Variants in MITF observed in about 807,000 individuals in gnomAD.
MITF encodes the protein melanocyte inducing transcription factor.
A neutral mutation model predicts 60.5 loss-of-function variants in MITF; 17 were observed. The observed-to-expected ratio is 0.28, with a 90% confidence interval of 0.19 to 0.42. The LOEUF (loss-of-function observed/expected upper bound fraction) is 0.42, where lower values mean the gene tolerates loss of function less well. Ranked by LOEUF, MITF falls within the 10% of genes least tolerant of loss-of-function variation. The pLI, the probability that MITF is intolerant of heterozygous loss-of-function variation, is 1.00. For synonymous variants in MITF, 260 were observed against 248.5 expected (o/e 1.05, Z -0.43); for missense variants, 622 against 683.5 (o/e 0.91, Z 1.00).
At chr3:69,918,232 A>T (rs1482951442) in intron 2 of MITF, among the ~76,000 whole-genome samples, 2 of 151,646 alleles carry the variant, frequency 1.3e-5, no homozygotes, top group Admixed American at 6.6e-5. Flanking sequence ...GCCTCGCTAA[A>T]TTTTTTGTTT....
chr3:69,932,207 C>T lies in MITF; in HGVS notation c.355-5615C>T, dbSNP rs968542337. On this transcript the variant is annotated intron_variant, in intron 2 of 9. Transcript: ENST00000352241. ...AAGCCACAATGTAGATAATTTTAGGCCTTGGGGGCCCTGCAGACTCTGTTG... is the reference window on the plus strand; with the variant it reads ...AAGCCACAATGTAGATAATTTTAGGTCTTGGGGGCCCTGCAGACTCTGTTG... 2.0e-5 allele frequency among the ~76,000 whole-genome samples: 3 copies of T among 152,176 alleles called. No homozygotes were observed. In the East Asian group the frequency reaches 5.8e-4, roughly 29 times the overall value.
intron 1 of MITF, among the ~76,000 whole-genome samples, chr3:69,789,561 G>A (rs1337768067): frequency 2.0e-5 from 3 of 152,112 alleles, no homozygotes; most frequent in Non-Finnish European, 2.9e-5. Flanking sequence ...CAGCTGCTAC[G>A]GAAAGGAGCA....
rs1320277478 is a variant in MITF at position 69,937,308 on chromosome 3, C to G, written c.355-514C>G. On this transcript the variant is annotated intron_variant, in intron 2 of 9. Transcript: ENST00000352241. ...TTAATCCACAACTAGTTGATTTAAT[C>G]ATTGGAAGATTTATATTTATTTTCT... The G allele has an allele frequency of 1.8e-5, 3 of 166,402 alleles. No individual in the cohort carries two copies. The East Asian group carries it at 5.2e-4, about 29-fold the overall frequency. 10.3% of individuals were successfully genotyped at this position (166,402 alleles called of 1,614,324 possible).
intron 1 of MITF, among the ~76,000 whole-genome samples, chr3:69,805,687 C>T (rs1048939792): frequency 6.6e-6 from 1 of 151,880 alleles, no homozygotes; most frequent in Non-Finnish European, 1.5e-5. Context: ...ATGACGAGGT[C>T]GTTCTCTGTC....
At chr3:69,883,615 C>T (rs1337617658) in intron 2 of MITF, among the ~76,000 whole-genome samples, 2 of 152,112 alleles carry the variant, frequency 1.3e-5, no homozygotes, top group Non-Finnish European at 2.9e-5. Context: ...GGACTTCTCC[C>T]ACAACCTACC....
intron 6 of MITF, 104 bp downstream of exon 6, chr3:69,949,272 C>A: frequency 1.2e-6 from 1 of 867,122 alleles, no homozygotes; most frequent in Non-Finnish European, 2.0e-6. Context: ...AACTCATGGA[C>A]GTAACTTTTA....
chr3:69,860,275 G>A (rs2063988916), intron 1 of MITF, among the ~76,000 whole-genome samples: 1 of 152,174 alleles, frequency 6.6e-6, no homozygotes, highest in Non-Finnish European at 1.5e-5. Context: ...AAAGAGTCAT[G>A]CTAATGTTTT....
chr3:69,791,870 G>A (rs1168391049), intron 1 of MITF, among the ~76,000 whole-genome samples: 1 of 152,180 alleles, frequency 6.6e-6, no homozygotes, highest in Admixed American at 6.5e-5. Context: ...GTAGAACTTG[G>A]AAAATGCAGT....
intron 1 of MITF, among the ~76,000 whole-genome samples, chr3:69,815,192 C>T (rs2107017359): frequency 6.6e-6 from 1 of 152,316 alleles, no homozygotes; most frequent in African/African-American, 2.4e-5. Flanking sequence ...AGGTTATCTC[C>T]TAGGAGTTAA....
intron 2 of MITF, among the ~76,000 whole-genome samples, chr3:69,895,883 C>G (rs1250186613): frequency 6.8e-6 from 1 of 147,784 alleles, no homozygotes; most frequent in African/African-American, 2.5e-5. Context: ...CTCTTAAAGC[C>G]TTTCCATTTT....
chr3:69,937,432 C>T (rs572911175), intron 2 of MITF, among the ~76,000 whole-genome samples: 3 of 149,938 alleles, frequency 2.0e-5, no homozygotes, highest in Non-Finnish European at 4.4e-5. Context: ...TTCTGTTCGC[C>T]AAGGAAAGTG....
chr3:69,959,160 T>C, intron 8 of MITF, 113 bp from the exon 9 acceptor site: 1 of 1,305,092 alleles, frequency 7.7e-7, no homozygotes. Flanking sequence ...CCAAAACTAT[T>C]GAAATAAAAA....
rs536395486 is a variant in MITF, at chr3:69,771,437, C to G, written c.104+31736C>G. On this transcript the variant is annotated intron_variant, in intron 1 of 9. Coordinates refer to ENST00000352241, the MANE Select transcript of MITF (RefSeq NM_001354604.2). ...TGACACTTGTTTATTAAACTTGGCC[C>G]AAGTCAGAGTTAATAGCCTTAATGG... is the stretch of plus-strand genomic sequence containing the variant. Among the ~76,000 whole-genome samples, 360 of 152,174 alleles carry G rather than the reference C, an allele frequency of 2.4e-3. 2 individuals are homozygous for G. Among genetic ancestry groups the G allele is most frequent in the Middle Eastern group, 6.8e-3 (2 of 294 alleles).
chr3:69,773,862 A>T (rs540730017), intron 1 of MITF, among the ~76,000 whole-genome samples: 13 of 152,324 alleles, frequency 8.5e-5, no homozygotes, highest in Admixed American at 5.9e-4. Flanking sequence ...TGTTATAGAA[A>T]ATAGAATTGA....
At chr3:69,754,418 G>A (rs1184861097) in intron 1 of MITF, among the ~76,000 whole-genome samples, 2 of 151,992 alleles carry the variant, frequency 1.3e-5, no homozygotes, top group African/African-American at 4.8e-5. Context: ...CCCTTGGCCG[G>A]CCAAAGTATT....
chr3:69,872,761 A>AT (rs889452764), intron 1 of MITF, among the ~76,000 whole-genome samples: 1 of 152,182 alleles, frequency 6.6e-6, no homozygotes, highest in African/African-American at 2.4e-5. Flanking sequence ...AACATCTTCC[A>AT]TTTTTAGCAG....
chr3:69,927,556 T>C (rs2065622529), intron 2 of MITF, among the ~76,000 whole-genome samples: 1 of 152,114 alleles, frequency 6.6e-6, no homozygotes, highest in South Asian at 2.1e-4. Flanking sequence ...ATTTGATATA[T>C]GAAATTCAAT....
chr3:69,953,421 C>G (rs890116937), intron 7 of MITF, among the ~76,000 whole-genome samples: 1 of 151,966 alleles, frequency 6.6e-6, no homozygotes, highest in African/African-American at 2.4e-5. Context: ...ATCTAAAAGT[C>G]TCAGCCAACC....
intron 1 of MITF, among the ~76,000 whole-genome samples, chr3:69,785,461 A>G (rs2062633583): frequency 4.6e-5 from 7 of 152,190 alleles, no homozygotes; most frequent in Admixed American, 4.6e-4. Flanking sequence ...ATGACCAGTA[A>G]GCAATCCAAG....
Sources: allele counts gnomAD v4.1 joint callset (sites outside exome capture counted in the v4.1 genomes callset), GRCh38; gene constraint gnomAD v4.1.1; transcripts MANE v1.5; gene names NCBI Gene and HGNC (gene_info 2026-07-23, HGNC 2026-07-21).